Variants in SGMS1 observed in about 807,000 individuals in gnomAD.
SGMS1 encodes phosphatidylcholine:ceramide cholinephosphotransferase 1.
In SGMS1, 13 loss-of-function variants were observed where a neutral mutation model predicts 46.2. The ratio of observed to expected loss-of-function variants is 0.28; its 90% CI spans 0.18 to 0.45. The LOEUF (loss-of-function observed/expected upper bound fraction) is 0.45. Among genes scored for constraint, SGMS1 ranks in the 20% least tolerant of loss-of-function variants. The probability of loss-of-function intolerance (pLI) is 1.00; values close to 1 mark genes in which losing one functional copy is unlikely to be tolerated. For missense variants in SGMS1, 324 were observed against 519.9 expected, an observed-to-expected ratio of 0.62 and a Z score of 3.66; for synonymous variants, 203 against 187.8, an observed-to-expected ratio of 1.08 and a Z score of -0.66.
intron 2 of SGMS1, among the ~76,000 whole-genome samples, chr10:50,562,364 G>GCA (rs80161779): frequency 0.16 from 23,669 of 146,286 alleles, 2,161 homozygotes; most frequent in East Asian, 0.27. Flanking sequence ...GTGCGCGCGC[G>GCA]CACACACACA....
At chr10:50,412,659 T>C (rs1172749078) in intron 6 of SGMS1, among the ~76,000 whole-genome samples, 3 of 152,216 alleles carry the variant, frequency 2.0e-5, no homozygotes, top group African/African-American at 4.8e-5. Flanking sequence ...ATACATTTGC[T>C]AGGTGTGCTG....
chr10:50,343,417 A>T, intron 7 of SGMS1, 75 bp downstream of exon 7: 1 of 1,433,276 alleles, frequency 7.0e-7, no homozygotes, highest in Non-Finnish European at 9.3e-7. Flanking sequence ...GATAAATTTC[A>T]TTTATAAATA....
chr10:50,611,655 G>A (rs1333437950), intron 1 of SGMS1, among the ~76,000 whole-genome samples: 11 of 152,134 alleles, frequency 7.2e-5, no homozygotes, highest in Non-Finnish European at 1.2e-4. Flanking sequence ...GAAGGCCGTG[G>A]GTCCTCTATA....
chr10:50,541,109 C>G (rs1343118500), intron 2 of SGMS1, among the ~76,000 whole-genome samples: 2 of 152,178 alleles, frequency 1.3e-5, no homozygotes, highest in African/African-American at 2.4e-5. Flanking sequence ...CGTTGGAGAC[C>G]TTGGGAAAGG....
chr10:50,355,860 G>A (rs1047433498), intron 6 of SGMS1, among the ~76,000 whole-genome samples: 3 of 152,122 alleles, frequency 2.0e-5, no homozygotes, highest in Non-Finnish European at 4.4e-5. Flanking sequence ...TGTCTGAGAT[G>A]TGAAGAGCGC....
intron 5 of SGMS1, among the ~76,000 whole-genome samples, chr10:50,436,754 T>C (rs1849478365): frequency 6.6e-6 from 1 of 152,154 alleles, no homozygotes; most frequent in Admixed American, 6.6e-5. Context: ...ATTCAAGAGC[T>C]AATATGAAAA....
intron 3 of SGMS1, among the ~76,000 whole-genome samples, chr10:50,506,968 C>G (rs890764052): frequency 6.6e-6 from 1 of 152,174 alleles, no homozygotes; most frequent in African/African-American, 2.4e-5. Context: ...CAAAGCATGT[C>G]CATTACAACC....
intron 1 of SGMS1, among the ~76,000 whole-genome samples, chr10:50,604,632 T>C (rs1484671081): frequency 1.3e-5 from 2 of 152,208 alleles, no homozygotes; most frequent in African/African-American, 4.8e-5. Flanking sequence ...GAATGGAGTA[T>C]TTGACTGATT....
chr10:50,598,059 T>C (rs1176838684), intron 1 of SGMS1, among the ~76,000 whole-genome samples: 4 of 150,128 alleles, frequency 2.7e-5, no homozygotes, highest in Non-Finnish European at 4.4e-5. Flanking sequence ...TGCTACACAC[T>C]GAATGCTTGT....
chr10:50,572,380 C>T (rs944990902), intron 2 of SGMS1, among the ~76,000 whole-genome samples: 3 of 152,198 alleles, frequency 2.0e-5, no homozygotes, highest in African/African-American at 4.8e-5. Flanking sequence ...CTAACATTCT[C>T]ATCCATTTGC....
rs1040625068 is a variant in SGMS1 at position 50,556,057 on chromosome 10, C to T, written c.-589+34096G>A. Among the ~76,000 whole-genome samples the T allele has an allele frequency of 7.9e-5, 12 of 152,166 alleles. 1 individual carries two copies. Among genetic ancestry groups the T allele is most frequent in the Non-Finnish European group, 2.9e-5 (2 of 68,026 alleles). ...GATGCATCACCACCACACCTACCCA[C>T]CCTGTCTCTTGACTGTTTCACTTCT... On this transcript the variant is annotated intron_variant, in intron 2 of 10. Transcript: ENST00000361781.
chr10:50,482,102 A>G (rs11005877), intron 3 of SGMS1, among the ~76,000 whole-genome samples: 20,118 of 152,010 alleles, frequency 0.13, 1,441 homozygotes, highest in Middle Eastern at 0.22. Context: ...ATACTTCAGG[A>G]TATCATTCAG....
At chr10:50,621,864 G>T (rs1167566879) in intron 1 of SGMS1, among the ~76,000 whole-genome samples, 1 of 152,166 alleles carries the variant, frequency 6.6e-6, no homozygotes, top group East Asian at 1.9e-4. Flanking sequence ...ACTGCATGGC[G>T]GCAGCAGCCA....
intron 6 of SGMS1, among the ~76,000 whole-genome samples, chr10:50,380,834 G>C (rs1848592947): frequency 6.6e-6 from 1 of 151,878 alleles, no homozygotes; most frequent in Admixed American, 6.6e-5. Flanking sequence ...GTATTTGATG[G>C]CATTTTTCTT....
chr10:50,459,310 TTAAG>T (rs1316122267), intron 5 of SGMS1, among the ~76,000 whole-genome samples: 1 of 152,176 alleles, frequency 6.6e-6, no homozygotes, highest in Non-Finnish European at 1.5e-5. Flanking sequence ...ATGGTTCAAA[TTAAG>T]TGTTATAATT....
chr10:50,610,759 G>A (rs186960904), intron 1 of SGMS1, among the ~76,000 whole-genome samples: 12 of 152,256 alleles, frequency 7.9e-5, no homozygotes, highest in Non-Finnish European at 1.3e-4. Context: ...CTGACAACCC[G>A]ACATGCTATA....
chr10:50,357,838 G>A (rs893961248), intron 6 of SGMS1, among the ~76,000 whole-genome samples: 1 of 152,128 alleles, frequency 6.6e-6, no homozygotes, highest in African/African-American at 2.4e-5. Flanking sequence ...CAAACAAGCT[G>A]GCGTATCAGT....
At chr10:50,355,786 A>C (rs186658695) in intron 6 of SGMS1, among the ~76,000 whole-genome samples, 1 of 147,344 alleles carries the variant, frequency 6.8e-6, no homozygotes, top group Non-Finnish European at 1.5e-5. Context: ...CTGGGAAGTG[A>C]GTAGCGCCTC....
chr10:50,543,093 C>T (rs1034552869), intron 2 of SGMS1, among the ~76,000 whole-genome samples: 1 of 152,120 alleles, frequency 6.6e-6, no homozygotes, highest in Non-Finnish European at 1.5e-5. Flanking sequence ...AAAGTTAGCA[C>T]CCAAACTGTC....
Sources: gnomAD v4.1 joint callset for allele counts (sites outside exome capture counted in the v4.1 genomes callset) on GRCh38, gnomAD v4.1.1 for gene constraint, MANE v1.5 for transcripts, NCBI Gene and HGNC (gene_info 2026-07-23, HGNC 2026-07-21) for gene names.